Variants in DCAF10 observed in about 807,000 individuals in gnomAD.
DCAF10 encodes the protein DDB1 and CUL4 associated factor 10.
DCAF10 carries 19 observed loss-of-function variants against 51.9 expected under a neutral mutation model. The observed-to-expected ratio is 0.37, with a 90% confidence interval of 0.26 to 0.54. DCAF10 has a LOEUF of 0.54. Among genes scored for constraint, DCAF10 ranks in the 20% least tolerant of loss-of-function variants. The pLI is 0.87. For missense variants in DCAF10, 510 were observed against 730.6 expected (o/e 0.70, Z 3.48); for synonymous variants, 291 against 297.1 (o/e 0.98, Z 0.21).
At chr9:37,830,500 TAAC>T (rs781674512) in intron 2 of DCAF10, among the ~76,000 whole-genome samples, 3 of 152,160 alleles carry the variant, frequency 2.0e-5, no homozygotes. Context: ...TACATGGGAA[TAAC>T]AACAACTTTT....
intron 2 of DCAF10, among the ~76,000 whole-genome samples, chr9:37,833,347 G>C (rs897237984): frequency 6.6e-6 from 1 of 152,018 alleles, no homozygotes; most frequent in Non-Finnish European, 1.5e-5. Context: ...TGAAAATATT[G>C]GAAGTCAAAA....
Position 37,819,362 on chromosome 9 carries a change from C to T in DCAF10, c.614C>T (p.Thr205Ile). The T allele has an allele frequency of 6.2e-7, 1 of 1,613,774 alleles. No individual in the cohort carries two copies. Among genetic ancestry groups the T allele is most frequent in the Non-Finnish European group, 8.5e-7 (1 of 1,179,820 alleles). Residue 205 changes from threonine to isoleucine, a missense_variant, in exon 2 of 7, where the codon ACA becomes ATA. Around this residue, in one of 4 missense-constraint regions of DCAF10, gnomAD observed 126 missense variants for 271.5 expected, o/e 0.46. Coordinates refer to ENST00000377724, the MANE Select transcript of DCAF10 (RefSeq NM_024345.5). ...FDPISSKHIK[T>I]LSEAHEDCVN... ...CCTATATCTTCAAAGCACATAAAAA[C>T]ACTTTCTGAAGCTCATGAAGACTGT...
Position 37,866,352 on chromosome 9 carries a change from G to A in DCAF10, c.*4844G>A, listed in dbSNP as rs1831136876. ...TGTATTATTATAAGTATCCAGCTCT[G>A]ATGTATGTAAAACACTTCATAAAAT... On this transcript the variant is annotated 3_prime_UTR_variant, in exon 7 of 7. Coordinates refer to ENST00000377724, the MANE Select transcript of DCAF10 (RefSeq NM_024345.5). 6.6e-6 allele frequency: 1 copy of A among 152,540 alleles called. No homozygotes were observed. Among genetic ancestry groups the A allele is most frequent in the African/African-American group, 2.4e-5 (1 of 41,418 alleles). The allele number at this position is 152,540 out of a possible 1,614,324, so 9.4% of individuals were successfully genotyped here.
chr9:37,800,700 G>A (rs1398106207), upstream of DCAF10: 1 of 1,535,808 alleles, frequency 6.5e-7, no homozygotes, highest in African/African-American at 1.4e-5. Flanking sequence ...CCCAAACCCG[G>A]CGGTGTCTCA....
chr9:37,807,658 C>CTTTTTTTTTTTTTTT (rs5897701), intron 1 of DCAF10, among the ~76,000 whole-genome samples: 2 of 72,558 alleles, frequency 2.8e-5, no homozygotes, highest in Non-Finnish European at 5.2e-5. Flanking sequence ...CTTTTCTTTT[C>CTTTTTTTTTTTTTTT]TTTTTTTTTT....
At chr9:37,800,646 A>G (rs1332262105), upstream of DCAF10, 1 of 1,536,046 alleles carries the variant, frequency 6.5e-7, no homozygotes, top group East Asian at 2.4e-5. Flanking sequence ...TCGCTCACAC[A>G]GGTAACTACT....
intron 2 of DCAF10, among the ~76,000 whole-genome samples, chr9:37,840,955 C>T (rs1430296987): frequency 6.6e-6 from 1 of 152,144 alleles, no homozygotes; most frequent in Admixed American, 6.5e-5. Context: ...ATGCTGTGCA[C>T]ATTTGTAGCC....
intron 2 of DCAF10, chr9:37,836,198 A>G: frequency 6.7e-7 from 1 of 1,484,502 alleles, no homozygotes; most frequent in African/African-American, 1.4e-5. Context: ...TTCAGTATGA[A>G]ATGAGAACAC....
Position 37,861,259 on chromosome 9 carries a change from A to G in DCAF10, c.1431A>G (p.Glu477=). 6.2e-7 allele frequency: 1 copy of G among 1,614,086 alleles called. No homozygotes were observed. Among genetic ancestry groups the G allele is most frequent in the Non-Finnish European group, 8.5e-7 (1 of 1,180,002 alleles). ...EANVGRGYIK[E]LCFSPDGRMI... ...ATGTAGGCAGGGGTTACATCAAAGA[A>G]CTTTGCTTCAGCCCCGATGGACGAA... Residue 477 remains glutamate, a synonymous_variant, in exon 7 of 7, where the codon GAA becomes GAG. Transcript: ENST00000377724. The surrounding 1 kb of genome is among the most constrained non-coding windows in gnomAD (Gnocchi z 4.9).
At chr9:37,838,108 C>T (rs902273139) in intron 2 of DCAF10, among the ~76,000 whole-genome samples, 1 of 151,942 alleles carries the variant, frequency 6.6e-6, no homozygotes, top group Non-Finnish European at 1.5e-5. Flanking sequence ...ATATGCAATG[C>T]ACAGTGTTTG....
rs1439800834 is a variant in DCAF10, at chr9:37,865,492, A to AATTTTATTC, written c.*3986_*3994dup. On this transcript the variant is annotated 3_prime_UTR_variant, in exon 7 of 7. Coordinates refer to ENST00000377724, the MANE Select transcript of DCAF10 (RefSeq NM_024345.5). ...ATCTAATCTGATGTTTTTTACTCTGAATTTTATTCAGTAATTTTTATTCAT... is the reference window on the plus strand; with the variant it reads ...ATCTAATCTGATGTTTTTTACTCTGAATTTTATTCATTTTATTCAGTAATTTTTATTCAT... 1.3e-5 allele frequency: 2 copies of AATTTTATTC among 152,226 alleles called. No homozygotes were observed. The highest frequency in any genetic ancestry group is 2.9e-5 in the Non-Finnish European group (2 of 68,040). The allele number at this position is 152,226 out of a possible 1,614,324, so 9.4% of individuals were successfully genotyped here.
Position 37,801,311 on chromosome 9 carries a change from A to T in DCAF10, c.445A>T (p.Thr149Ser). 1 of 1,595,954 alleles carries T rather than the reference A, an allele frequency of 6.3e-7. No homozygotes were observed. Among genetic ancestry groups the T allele is most frequent in the South Asian group, 1.1e-5 (1 of 88,400 alleles). Residue 149 changes from threonine to serine, a missense_variant, in exon 1 of 7, where the codon ACT becomes TCT. Transcript: ENST00000377724. This position sits in a 1 kb window ranked among gnomAD's most constrained non-coding sequence, Gnocchi z 5.5. ...GGCGCGGGACAATTTTCGCACCATG[A>T]CTAGCCTCTACGGTTCCATCCACCC... is the stretch of plus-strand genomic sequence containing the variant. ...DPARDNFRTM[T>S]SLYGSIHPAD...
rs576100842 is a variant in DCAF10, at chr9:37,803,707, G to A, written c.539+2302G>A. Among the ~76,000 whole-genome samples, 11 of 148,366 alleles carry A rather than the reference G, an allele frequency of 7.4e-5. No homozygotes were observed. The South Asian group carries it at 1.1e-3, about 15-fold the overall frequency. On this transcript the variant is annotated intron_variant, in intron 1 of 6. Coordinates refer to ENST00000377724, the MANE Select transcript of DCAF10 (RefSeq NM_024345.5). ...GTGTAGGACTTAAAGTAATTTTACA[G>A]ATAGATGACATATCCGTGTTAAATG... is the stretch of plus-strand genomic sequence containing the variant.
chr9:37,856,091 CAG>C (rs1830840662), intron 4 of DCAF10, among the ~76,000 whole-genome samples: 1 of 151,956 alleles, frequency 6.6e-6, no homozygotes, highest in Non-Finnish European at 1.5e-5. Flanking sequence ...GTTGAGGCAG[CAG>C]TGAGCCATGA....
intron 5 of DCAF10, among the ~76,000 whole-genome samples, chr9:37,859,704 T>A (rs546655242): frequency 3.3e-5 from 5 of 152,326 alleles, no homozygotes; most frequent in Admixed American, 2.6e-4. Context: ...TCCTTTCATG[T>A]CACATAACTT....
At chr9:37,819,102 A>T (rs1829630565) in intron 1 of DCAF10, among the ~76,000 whole-genome samples, 186 bp from the exon 2 acceptor site, 1 of 152,198 alleles carries the variant, frequency 6.6e-6, no homozygotes, top group Non-Finnish European at 1.5e-5. Context: ...ACGATAATGT[A>T]TGAGAGTACC....
chr9:37,852,634 G>T (rs1178870858), intron 3 of DCAF10, among the ~76,000 whole-genome samples: 1 of 151,992 alleles, frequency 6.6e-6, no homozygotes, highest in Non-Finnish European at 1.5e-5. Context: ...GAACAGGCTG[G>T]GCATGGTGGC....
chr9:37,819,833 C>T (rs1195568988), intron 2 of DCAF10, among the ~76,000 whole-genome samples: 2 of 152,160 alleles, frequency 1.3e-5, no homozygotes, highest in Non-Finnish European at 2.9e-5. Flanking sequence ...TCTGTAGCAT[C>T]ATTGGAAGCT....
chr9:37,803,310 CT>C lies in DCAF10; in HGVS notation c.539+1912del, dbSNP rs565473800. On this transcript the variant is annotated intron_variant, in intron 1 of 6. Coordinates refer to ENST00000377724, the MANE Select transcript of DCAF10 (RefSeq NM_024345.5). ...CATGGAATCACTGTTTTGTAGCTTG[CT>C]TTTTTTCTTACAGTAAATTGTGAAC... Among the ~76,000 whole-genome samples the C allele has an allele frequency of 2.7e-3, 408 of 152,048 alleles. 4 individuals are homozygous for C. Among genetic ancestry groups the C allele is most frequent in the African/African-American group, 9.1e-3 (379 of 41,474 alleles).
Sources: allele counts gnomAD v4.1 joint callset (sites outside exome capture counted in the v4.1 genomes callset), GRCh38; gene constraint gnomAD v4.1.1; regional missense constraint gnomAD v4.1.1; non-coding constraint Gnocchi (gnomAD v3.1); transcripts MANE v1.5; gene names NCBI Gene and HGNC (gene_info 2026-07-23, HGNC 2026-07-21).